TNRC6A: variants seen among roughly 807,000 people sequenced by gnomAD.
TNRC6A encodes the protein trinucleotide repeat-containing gene 6A protein.
Under a neutral mutation model 221.2 loss-of-function variants are expected in TNRC6A, and 44 were observed. That is an observed-to-expected ratio of 0.20 (90% CI 0.16 to 0.26). The LOEUF (loss-of-function observed/expected upper bound fraction) is 0.26. Among genes scored for constraint, TNRC6A ranks in the 10% least tolerant of loss-of-function variants. TNRC6A has a pLI of 1.00. For missense variants in TNRC6A, 2,199 were observed against 2,404.4 expected (o/e 0.91, Z 1.79); for synonymous variants, 847 against 838.5 (o/e 1.01, Z -0.18).
intron 2 of TNRC6A, among the ~76,000 whole-genome samples, chr16:24,653,641 A>C (rs867168337): frequency 6.6e-6 from 1 of 151,998 alleles, no homozygotes; most frequent in Admixed American, 6.6e-5. Flanking sequence ...GCAGGCAGGC[A>C]TGGTGGCGCA....
chr16:24,762,429 A>G (rs1177521912), intron 4 of TNRC6A, among the ~76,000 whole-genome samples: 1 of 152,216 alleles, frequency 6.6e-6, no homozygotes. Flanking sequence ...CATTTAATCA[A>G]GGAAAATATT....
At chr16:24,808,654 A>G (rs962282628) in intron 17 of TNRC6A, among the ~76,000 whole-genome samples, 1 of 152,246 alleles carries the variant, frequency 6.6e-6, no homozygotes, top group Non-Finnish European at 1.5e-5. Context: ...TTCAGGTTTG[A>G]CAGACCTTAA....
intron 2 of TNRC6A, among the ~76,000 whole-genome samples, chr16:24,706,508 G>A (rs1386772658): frequency 3.3e-5 from 5 of 151,990 alleles, no homozygotes; most frequent in African/African-American, 7.3e-5. Context: ...TCAGGAGATC[G>A]AGACTATCCT....
At chr16:24,636,546 C>CT (rs1004410046) in intron 1 of TNRC6A, among the ~76,000 whole-genome samples, 1 of 151,722 alleles carries the variant, frequency 6.6e-6, no homozygotes, top group Non-Finnish European at 1.5e-5. Context: ...TATTTTTTAA[C>CT]TTTTTTTTGA....
chr16:24,772,796 T>G (rs2057639732), intron 4 of TNRC6A, among the ~76,000 whole-genome samples: 1 of 152,104 alleles, frequency 6.6e-6, no homozygotes, highest in Admixed American at 6.5e-5. Flanking sequence ...TATATACTAG[T>G]GAAAAAGAAA....
chr16:24,648,486 G>A (rs552005281), intron 2 of TNRC6A, among the ~76,000 whole-genome samples: 39 of 151,934 alleles, frequency 2.6e-4, no homozygotes, highest in South Asian at 1.3e-3. Flanking sequence ...TAGCCAGGAT[G>A]GTCTCGATCT....
chr16:24,742,732 T>A (rs898700317), intron 2 of TNRC6A, among the ~76,000 whole-genome samples: 1 of 152,124 alleles, frequency 6.6e-6, no homozygotes, highest in Non-Finnish European at 1.5e-5. Flanking sequence ...GACCAGCCTG[T>A]CCAACATGGT....
intron 4 of TNRC6A, among the ~76,000 whole-genome samples, chr16:24,770,218 G>A (rs952939228): frequency 6.6e-6 from 1 of 152,218 alleles, no homozygotes; most frequent in Non-Finnish European, 1.5e-5. Context: ...AGTATTTGGT[G>A]TGGTAGAAGA....
intron 1 of TNRC6A, among the ~76,000 whole-genome samples, chr16:24,611,895 C>T (rs1007807577): frequency 6.6e-6 from 1 of 151,940 alleles, no homozygotes; most frequent in Non-Finnish European, 1.5e-5. Flanking sequence ...GAGTTCGAGA[C>T]CAGCCTGGCC....
chr16:24,738,061 G>A (rs781231560), intron 2 of TNRC6A, among the ~76,000 whole-genome samples: 1 of 152,196 alleles, frequency 6.6e-6, no homozygotes, highest in Non-Finnish European at 1.5e-5. Context: ...CTACACTGCT[G>A]CAGGTTAATC....
Position 24,791,243 on chromosome 16 carries a change from T to C in TNRC6A, c.2601T>C (p.Gly867=). The change falls in exon 6 of 25, where the codon GGT becomes GGC. Residue 867 remains glycine, a synonymous_variant. Transcript: ENST00000395799. ...WGETSRNNHW[G]EANKKSSSGG... ...AAACTTCAAGGAATAACCATTGGGG[T>C]GAGGCCAATAAGAAATCCAGCTCAG... is the stretch of plus-strand genomic sequence containing the variant. 1 of 1,614,118 alleles carries C rather than the reference T, an allele frequency of 6.2e-7. No homozygotes were observed. The highest frequency in any genetic ancestry group is 8.5e-7 in the Non-Finnish European group (1 of 1,179,998).
rs143283266 is a variant in TNRC6A at position 24,793,597 on chromosome 16, C to T, written c.3300C>T (p.Ser1100=). The stretch of plus-strand genomic sequence containing the variant: ...GGGAACCCATTGCTGCGGCATCCAG[C>T]ACATCCACGTGGGGCTCCAGCTCTG... ...SWGEPIAAAS[S]TSTWGSSSVG... is the part of the protein sequence containing the mutation. Residue 1100 remains serine, a synonymous_variant, in exon 7 of 25, where the codon AGC becomes AGT. Transcript: ENST00000395799. The T allele has an allele frequency of 4.5e-6, 7 of 1,559,994 alleles. No homozygotes were observed. The East Asian group carries it at 7.1e-5, about 16-fold the overall frequency.
chr16:24,804,528 T>TA, intron 12 of TNRC6A, 177 bp from the exon 13 acceptor site: 1 of 1,144,372 alleles, frequency 8.7e-7, no homozygotes, highest in Non-Finnish European at 1.2e-6. Flanking sequence ...TCCCATGAAA[T>TA]ATGTTTGGCT....
intron 3 of TNRC6A, among the ~76,000 whole-genome samples, chr16:24,753,250 C>A (rs2057176246): frequency 6.6e-6 from 1 of 152,200 alleles, no homozygotes; most frequent in Admixed American, 6.5e-5. Flanking sequence ...TCCAGTCTCT[C>A]ACCTCAACCA....
chr16:24,662,279 G>A (rs1489872236), intron 2 of TNRC6A: 2 of 132,642 alleles, frequency 1.5e-5, no homozygotes, highest in African/African-American at 3.2e-5. Context: ...GTGAGACATC[G>A]TCTCTATTTA....
chr16:24,793,331 T>C, intron 6 of TNRC6A, 142 bp from the exon 7 acceptor site: 1 of 469,126 alleles, frequency 2.1e-6, no homozygotes, highest in Non-Finnish European at 3.6e-6. Flanking sequence ...GATGCCATCT[T>C]TTTGCCTATC....
intron 1 of TNRC6A, among the ~76,000 whole-genome samples, chr16:24,619,870 C>T (rs111450864): frequency 2.6e-3 from 389 of 152,158 alleles, no homozygotes; most frequent in African/African-American, 9.1e-3. Flanking sequence ...GGCCAGGTGC[C>T]GTGGCTCACA....
At chr16:24,619,893 G>T (rs141289034) in intron 1 of TNRC6A, among the ~76,000 whole-genome samples, 1 of 152,182 alleles carries the variant, frequency 6.6e-6, no homozygotes, top group Non-Finnish European at 1.5e-5. Flanking sequence ...TGTAATCTCA[G>T]CACTTTGGGA....
At position 24,791,765 on chromosome 16, in the gene TNRC6A, G is replaced by C; in HGVS notation, c.3123G>C (p.Gln1041His). The part of the protein sequence containing the change: ...SRSDQQAQVH[Q>H]LLTPASAISN... Reference sequence around the variant, plus strand: ...CAGACCAGCAAGCACAGGTACATCAGCTGCTAACGCCTGCAAGTGCCATCT... The same window carrying C: ...CAGACCAGCAAGCACAGGTACATCACCTGCTAACGCCTGCAAGTGCCATCT... Residue 1041 changes from glutamine (Q) to histidine (H), a missense_variant, in exon 6 of 25, where the codon CAG becomes CAC. Gln to His is a conservative substitution (Grantham distance 24). Coordinates refer to ENST00000395799, the MANE Select transcript of TNRC6A (RefSeq NM_014494.4). 3 of 1,593,670 alleles carry C rather than the reference G, an allele frequency of 1.9e-6. No individual in the cohort carries two copies. Among genetic ancestry groups the C allele is most frequent in the Non-Finnish European group, 2.6e-6 (3 of 1,172,678 alleles).
Sources: gnomAD v4.1 joint callset for allele counts (sites outside exome capture counted in the v4.1 genomes callset) on GRCh38, gnomAD v4.1.1 for gene constraint, MANE v1.5 for transcripts, NCBI Gene and HGNC (gene_info 2026-07-23, HGNC 2026-07-21) for gene names.